Variants in AGPS observed in about 807,000 individuals in gnomAD.
AGPS encodes the protein alkyldihydroxyacetonephosphate synthase, peroxisomal.
AGPS carries 26 observed loss-of-function variants against 90.7 expected under a neutral mutation model. That is an observed-to-expected ratio of 0.29 (90% CI 0.21 to 0.40). AGPS has a LOEUF of 0.40. AGPS is among the 10% of genes least tolerant of loss of function. The pLI is 1.00. For synonymous variants in AGPS, 294 were observed against 285.3 expected, an observed-to-expected ratio of 1.03 and a Z score of -0.31; for missense variants, 540 against 816.1, an observed-to-expected ratio of 0.66 and a Z score of 4.12.
At chr2:177,408,257 CTT>C (rs1313528143) in intron 1 of AGPS, among the ~76,000 whole-genome samples, 1 of 152,158 alleles carries the variant, frequency 6.6e-6, no homozygotes, top group African/African-American at 2.4e-5. Context: ...CTCCATGACT[CTT>C]AGTAGTCATG....
chr2:177,498,729 C>T (rs1245694091), intron 13 of AGPS, among the ~76,000 whole-genome samples: 2 of 151,610 alleles, frequency 1.3e-5, no homozygotes, highest in East Asian at 1.9e-4. Flanking sequence ...AATTGTTAAC[C>T]GGTTGTGGCA....
At chr2:177,508,871 A>G (rs1266059946) in intron 16 of AGPS, among the ~76,000 whole-genome samples, 1 of 152,120 alleles carries the variant, frequency 6.6e-6, no homozygotes, top group African/African-American at 2.4e-5. Flanking sequence ...ATTTCTTTTG[A>G]TCATCATGTT....
chr2:177,393,093 C>G, intron 1 of AGPS, 44 bp downstream of exon 1: 1 of 1,550,132 alleles, frequency 6.5e-7, no homozygotes, highest in Non-Finnish European at 8.7e-7. Flanking sequence ...AGGGACCAGG[C>G]CGGGCCTGTG....
In AGPS at chr2:177,538,852, G is replaced by A. The variant is rs758819601; in HGVS notation, c.*657G>A. The A allele has an allele frequency of 6.6e-6, 1 of 151,960 alleles. No homozygotes were observed. The highest frequency in any genetic ancestry group is 2.4e-5 in the African/African-American group (1 of 41,308). 9.4% of individuals were successfully genotyped at this position (151,960 alleles called of 1,614,324 possible). A position where few individuals can be genotyped will look rare whatever the true frequency, so the allele number is the denominator to read the frequency against. ...TCTCCATGTTTCTGTTTCTATTGTG[G>A]TATGAGTTGTATTTGTATCACTGAG... On this transcript the variant is annotated 3_prime_UTR_variant, in exon 20 of 20. Coordinates refer to ENST00000264167, the MANE Select transcript of AGPS (RefSeq NM_003659.4).
chr2:177,502,244 G>T lies in AGPS; in HGVS notation c.1475+2514G>T, dbSNP rs929149348. The stretch of plus-strand genomic sequence containing the variant: ...AGAGTTAAAGATTGGCTCCGTTTGA[G>T]GTCTCATTTTTTTTTTTTGCTGTTA... On this transcript the variant is annotated intron_variant, in intron 14 of 19. Coordinates refer to ENST00000264167, the MANE Select transcript of AGPS (RefSeq NM_003659.4). Among the ~76,000 whole-genome samples, 19 of 56,006 alleles carry T rather than the reference G, an allele frequency of 3.4e-4. 1 individual carries two copies. Among genetic ancestry groups the T allele is most frequent in the Non-Finnish European group, 4.1e-4 (11 of 26,816 alleles). 36.7% of individuals were successfully genotyped at this position (56,006 alleles called of 152,430 possible). A position where few individuals can be genotyped will look rare whatever the true frequency, so the allele number is the denominator to read the frequency against.
At chr2:177,483,771 AGGAGGATTGGAGATAAGTTTTT>A (rs1276662357) in intron 11 of AGPS, among the ~76,000 whole-genome samples, 2 of 152,132 alleles carry the variant, frequency 1.3e-5, no homozygotes, top group Non-Finnish European at 2.9e-5. Context: ...TATTAAGTAG[AGGAGGATTGGAGATAAGTTTTT>A]GGAGTAAATA....
intron 8 of AGPS, among the ~76,000 whole-genome samples, chr2:177,459,261 G>A (rs1415356448): frequency 1.3e-5 from 2 of 152,182 alleles, no homozygotes; most frequent in Non-Finnish European, 2.9e-5. Context: ...ATAGGCATGG[G>A]CAAAGACTTC....
At chr2:177,421,531 GATGTACA>G (rs1461386780) in intron 2 of AGPS, among the ~76,000 whole-genome samples, 1 of 151,888 alleles carries the variant, frequency 6.6e-6, no homozygotes, top group East Asian at 1.9e-4. Context: ...AAGTTCTGAA[GATGTACA>G]TTTGACTTTT....
At chr2:177,507,427 C>T (rs1460644041) in intron 15 of AGPS, among the ~76,000 whole-genome samples, 1 of 151,972 alleles carries the variant, frequency 6.6e-6, no homozygotes, top group Admixed American at 6.6e-5. Context: ...AGTAGAAGTG[C>T]CTCCAGATGT....
At chr2:177,535,426 A>ATC (rs1371044285) in intron 19 of AGPS, among the ~76,000 whole-genome samples, 1 of 146,366 alleles carries the variant, frequency 6.8e-6, no homozygotes, top group African/African-American at 2.5e-5. Flanking sequence ...ATGGGTACAG[A>ATC]TCAGTATGGT....
chr2:177,470,976 G>T (rs1032810909), intron 10 of AGPS, among the ~76,000 whole-genome samples: 18 of 152,058 alleles, frequency 1.2e-4, no homozygotes, highest in Admixed American at 3.9e-4. Flanking sequence ...TCGTAAGTGT[G>T]TTATAAGGAT....
intron 1 of AGPS, among the ~76,000 whole-genome samples, chr2:177,401,737 G>T (rs1040906292): frequency 2.6e-5 from 4 of 152,082 alleles, no homozygotes; most frequent in Non-Finnish European, 5.9e-5. Flanking sequence ...TAGAGATGGG[G>T]TTTCACCCTG....
rs1045626981 is a variant in AGPS at position 177,541,042 on chromosome 2, C to A, written c.*2847C>A. 17 of 152,100 alleles carry A rather than the reference C, an allele frequency of 1.1e-4. No homozygotes were observed. The highest frequency in any genetic ancestry group is 4.1e-4 in the African/African-American group (17 of 41,434). 9.4% of individuals were successfully genotyped at this position (152,100 alleles called of 1,614,324 possible). ...CAAAGAAAAGAGGATTATATTATTT[C>A]TTCTAAGGAAGTAGGAGTTTTCTTC... On this transcript the variant is annotated 3_prime_UTR_variant, in exon 20 of 20. Transcript: ENST00000264167.
rs574762381 is a variant in AGPS, at chr2:177,511,031, C to T, written c.1608-2788C>T. ...TTCTTCATAGATTCTTATGAATGAG[C>T]TTGGGAATAATTTGAGAGTACAGTC... On this transcript the variant is annotated intron_variant, in intron 16 of 19. Transcript: ENST00000264167. Among the ~76,000 whole-genome samples, 91 of 152,204 alleles carry T rather than the reference C, an allele frequency of 6.0e-4. No homozygotes were observed. The Middle Eastern group carries it at 0.01, about 17-fold the overall frequency.
At chr2:177,495,999 A>C (rs937948812) in intron 12 of AGPS, among the ~76,000 whole-genome samples, 1 of 152,020 alleles carries the variant, frequency 6.6e-6, no homozygotes, top group African/African-American at 2.4e-5. Flanking sequence ...AACATATTTA[A>C]GAAAAAGTAA....
intron 10 of AGPS, among the ~76,000 whole-genome samples, chr2:177,470,802 C>T (rs1040262191): frequency 1.3e-4 from 20 of 151,438 alleles, no homozygotes; most frequent in African/African-American, 4.6e-4. Flanking sequence ...AAAGTACATG[C>T]AACATAGCAT....
intron 19 of AGPS, among the ~76,000 whole-genome samples, chr2:177,526,896 G>A (rs906391560): frequency 6.6e-6 from 1 of 152,160 alleles, no homozygotes; most frequent in Non-Finnish European, 1.5e-5. Flanking sequence ...TCTGCTTAAT[G>A]CAGTGGAATA....
At chr2:177,437,523 T>G (rs1436086866) in intron 5 of AGPS, among the ~76,000 whole-genome samples, 1 of 152,142 alleles carries the variant, frequency 6.6e-6, no homozygotes, top group Non-Finnish European at 1.5e-5. Context: ...AAATTTTGAG[T>G]AATTATTAGG....
At chr2:177,418,692 A>G (rs1167064004) in intron 1 of AGPS, among the ~76,000 whole-genome samples, 1 of 151,984 alleles carries the variant, frequency 6.6e-6, no homozygotes, top group Non-Finnish European at 1.5e-5. Context: ...ATTATACTTC[A>G]TAAAAGTGAA....
Sources: gnomAD v4.1 joint callset for allele counts (sites outside exome capture counted in the v4.1 genomes callset) on GRCh38, gnomAD v4.1.1 for gene constraint, MANE v1.5 for transcripts, NCBI Gene and HGNC (gene_info 2026-07-23, HGNC 2026-07-21) for gene names.